CLTC: variants seen among roughly 807,000 people sequenced by gnomAD.
The protein encoded by CLTC is clathrin heavy chain 1.
A neutral mutation model predicts 195.8 loss-of-function variants in CLTC; 16 were observed. The ratio of observed to expected loss-of-function variants is 0.08; its 90% CI spans 0.06 to 0.12. The LOEUF (loss-of-function observed/expected upper bound fraction) is 0.12, where lower values mean the gene tolerates loss of function less well. Ranked by LOEUF, CLTC falls within the 10% of genes least tolerant of loss-of-function variation. The probability of loss-of-function intolerance (pLI) is 1.00; values close to 1 mark genes in which losing one functional copy is unlikely to be tolerated. For missense variants in CLTC, 796 were observed against 2,027.0 expected (o/e 0.39, Z 11.66); for synonymous variants, 667 against 689.4 (o/e 0.97, Z 0.51).
rs1454403746 is a variant in CLTC at position 59,685,515 on chromosome 17, A to C, written c.4606-72A>C. Reference sequence around the variant, plus strand: ...ACCAGATTTATATTGGAAAGTTTCCATTGTTTTTCTTGGTTTACTAGTTCA... The same window carrying C: ...ACCAGATTTATATTGGAAAGTTTCCCTTGTTTTTCTTGGTTTACTAGTTCA... On this transcript the variant is annotated intron_variant, in intron 29 of 31. Transcript: ENST00000269122. The surrounding 1 kb of genome is among the most constrained non-coding windows in gnomAD (Gnocchi z 5.0). The C allele has an allele frequency of 7.7e-7, 1 of 1,301,286 alleles. No homozygotes were observed. Among genetic ancestry groups the C allele is most frequent in the Non-Finnish European group, 1.1e-6 (1 of 929,012 alleles). The allele number at this position is 1,301,286 out of a possible 1,614,324, so 80.6% of individuals were successfully genotyped here. A position where few individuals can be genotyped will look rare whatever the true frequency, so the allele number is the denominator to read the frequency against.
chr17:59,623,466 G>A (rs998544935), intron 1 of CLTC, among the ~76,000 whole-genome samples: 2 of 152,122 alleles, frequency 1.3e-5, no homozygotes, highest in African/African-American at 4.8e-5. Context: ...CTTTCACTCT[G>A]ATTAGGAAAT....
At position 59,663,919 on chromosome 17, in the gene CLTC, T is replaced by A; in HGVS notation, c.1446T>A (p.Ala482=). ...TGGCACTTAGTGTGTACCTAAGGGCTAACGTCCCAAATAAAGTCATTCAGT... is the reference window on the plus strand; with the variant it reads ...TGGCACTTAGTGTGTACCTAAGGGCAAACGTCCCAAATAAAGTCATTCAGT... ...PTLALSVYLR[A]NVPNKVIQCF... The change falls in exon 9 of 32, where the codon GCT becomes GCA. Residue 482 remains alanine, a synonymous_variant. Coordinates refer to ENST00000269122, the MANE Select transcript of CLTC (RefSeq NM_004859.4). 1 of 1,613,892 alleles carries A rather than the reference T, an allele frequency of 6.2e-7. No individual in the cohort carries two copies. The highest frequency in any genetic ancestry group is 8.5e-7 in the Non-Finnish European group (1 of 1,179,792).
At position 59,681,341 on chromosome 17, in the gene CLTC, A is replaced by G; in HGVS notation, c.3112A>G (p.Thr1038Ala). 1.2e-6 allele frequency: 2 copies of G among 1,614,058 alleles called. No individual in the cohort carries two copies. Among genetic ancestry groups the G allele is most frequent in the South Asian group, 1.1e-5 (1 of 91,074 alleles). ...CCTCACTGCAATTAAGGCTGACCGT[A>G]CACGTGTTATGGAGTATATTAACCG... is the stretch of plus-strand genomic sequence containing the variant. The part of the protein sequence containing the change: ...LILTAIKADR[T>A]RVMEYINRLD... Residue 1038 changes from threonine (T) to alanine (A), a missense_variant, in exon 20 of 32, where the codon ACA becomes GCA. Around this residue, in one of 9 missense-constraint regions of CLTC, gnomAD observed 160 missense variants for 448.2 expected, o/e 0.36. Coordinates refer to ENST00000269122, the MANE Select transcript of CLTC (RefSeq NM_004859.4). The surrounding 1 kb of genome is among the most constrained non-coding windows in gnomAD (Gnocchi z 5.0).
chr17:59,637,554 T>TAAA (rs545077564), intron 1 of CLTC, among the ~76,000 whole-genome samples: 1 of 131,378 alleles, frequency 7.6e-6, no homozygotes, highest in African/African-American at 2.8e-5. Context: ...TGAAGTTTCT[T>TAAA]AAAAAAAAAA....
In CLTC at chr17:59,674,639, T is replaced by C. The variant is rs893660590; in HGVS notation, c.2419-62T>C. On this transcript the variant is annotated intron_variant, in intron 15 of 31. Transcript: ENST00000269122. ...TAAAAGCGATAGAGATAAATGCTTTTTTAAAATTCCTCTTTGCTTTTAATA... is the reference window on the plus strand; with the variant it reads ...TAAAAGCGATAGAGATAAATGCTTTCTTAAAATTCCTCTTTGCTTTTAATA... 2.1e-6 allele frequency: 3 copies of C among 1,454,276 alleles called. No individual in the cohort carries two copies. The African/African-American group carries it at 4.4e-5, about 21-fold the overall frequency. The allele number at this position is 1,454,276 out of a possible 1,614,324, so 90.1% of individuals were successfully genotyped here.
At chr17:59,621,553 C>T (rs921673838) in intron 1 of CLTC, among the ~76,000 whole-genome samples, 3 of 152,148 alleles carry the variant, frequency 2.0e-5, no homozygotes, top group Non-Finnish European at 4.4e-5. Context: ...GCAAGTATTA[C>T]CATGTTTGCA....
intron 18 of CLTC, 131 bp from the exon 19 acceptor site, chr17:59,680,779 CTA>C (rs1261207961): frequency 2.5e-5 from 15 of 611,006 alleles, no homozygotes; most frequent in African/African-American, 5.6e-5. Flanking sequence ...AAAGACCTCT[CTA>C]TGTAAATTTA....
chr17:59,632,447 T>C (rs976644860), intron 1 of CLTC, among the ~76,000 whole-genome samples: 1 of 151,466 alleles, frequency 6.6e-6, no homozygotes, highest in Non-Finnish European at 1.5e-5. Flanking sequence ...CTTTTGTAAT[T>C]TGAAAGAACC....
At chr17:59,660,240 C>T in intron 6 of CLTC, 151 bp from the exon 7 acceptor site, 28 of 675,622 alleles carry the variant, frequency 4.1e-5, no homozygotes, top group Middle Eastern at 4.3e-4. Flanking sequence ...CCTTGTCTTC[C>T]TTCCTTTCAT....
rs2136694 is a variant in CLTC, at chr17:59,648,120, G to A, written c.520-120G>A. 0.84 allele frequency: 810,603 copies of A among 969,500 alleles called. 341,162 individuals are homozygous for A. Among genetic ancestry groups the A allele is most frequent in the East Asian group, 0.95 (38,538 of 40,414 alleles). The allele number at this position is 969,500 out of a possible 1,614,324, so 60.1% of individuals were successfully genotyped here. A position where few individuals can be genotyped will look rare whatever the true frequency, so the allele number is the denominator to read the frequency against. ...TCAAATCTACAGTGAGAGATGAAGT[G>A]ACAAATAATTATAAATCCTGCTAAA... On this transcript the variant is annotated intron_variant, in intron 3 of 31. Transcript: ENST00000269122. This position sits in a 1 kb window ranked among gnomAD's most constrained non-coding sequence, Gnocchi z 4.5.
chr17:59,686,047 ATTTT>A (rs1333179400), intron 30 of CLTC, among the ~76,000 whole-genome samples: 1 of 152,000 alleles, frequency 6.6e-6, no homozygotes, highest in African/African-American at 2.4e-5. Context: ...TAATCTATGT[ATTTT>A]TTTATTTAAA....
chr17:59,624,675 G>T (rs1026642404), intron 1 of CLTC, among the ~76,000 whole-genome samples: 7 of 151,802 alleles, frequency 4.6e-5, no homozygotes, highest in African/African-American at 1.7e-4. Context: ...TACCATGTTG[G>T]CCAGGCTGGT....
chr17:59,652,216 C>T (rs927599984), intron 5 of CLTC, among the ~76,000 whole-genome samples: 1 of 152,198 alleles, frequency 6.6e-6, no homozygotes, highest in Non-Finnish European at 1.5e-5. Flanking sequence ...CTCAGTCATC[C>T]ATGAAGGTTG....
chr17:59,642,439 A>G (rs1374536214), intron 1 of CLTC, among the ~76,000 whole-genome samples: 1 of 152,184 alleles, frequency 6.6e-6, no homozygotes, highest in Non-Finnish European at 1.5e-5. Context: ...GGATTCTTAC[A>G]GCATAACTTA....
At chr17:59,630,172 T>C (rs1162622610) in intron 1 of CLTC, among the ~76,000 whole-genome samples, 1 of 152,150 alleles carries the variant, frequency 6.6e-6, no homozygotes, top group Admixed American at 6.5e-5. Flanking sequence ...AGCCAATTTT[T>C]GTATTTTTTT....
At chr17:59,641,487 G>A (rs2032031182) in intron 1 of CLTC, among the ~76,000 whole-genome samples, 1 of 150,418 alleles carries the variant, frequency 6.6e-6, no homozygotes, top group South Asian at 2.1e-4. Flanking sequence ...TGTAGTCCCA[G>A]CTACTCGGGA....
chr17:59,666,071 T>C lies in CLTC; in HGVS notation c.1645-32T>C, dbSNP rs575952104. On this transcript the variant is annotated intron_variant, in intron 10 of 31. Transcript: ENST00000269122. The surrounding 1 kb of genome is among the most constrained non-coding windows in gnomAD (Gnocchi z 4.9). ...TGTCTACATACTCTCCATAGTATCT[T>C]AAAACAATTTCTTTTAAATCTTTTT... The C allele has an allele frequency of 3.9e-6, 6 of 1,549,720 alleles. No individual in the cohort carries two copies. Among genetic ancestry groups the C allele is most frequent in the Non-Finnish European group, 5.3e-6 (6 of 1,125,976 alleles).
At chr17:59,657,877 T>A (rs562074720) in intron 6 of CLTC, among the ~76,000 whole-genome samples, 7 of 150,924 alleles carry the variant, frequency 4.6e-5, no homozygotes, top group Non-Finnish European at 7.4e-5. Context: ...CTTTTTTTTT[T>A]AAACTCTTAA....
rs775478641 is a variant in CLTC, at chr17:59,679,531, A to G, written c.2919+12A>G. 1.9e-6 allele frequency: 3 copies of G among 1,571,906 alleles called. No individual in the cohort carries two copies. In the African/African-American group the frequency reaches 4.1e-5, roughly 21 times the overall value. ...CCCTAATTGACCAGGTAACATTGGC[A>G]AATGTGTTTATGGCTGTCAGTAAAA... On this transcript the variant is annotated intron_variant, in intron 18 of 31. Transcript: ENST00000269122.
Sources: gnomAD v4.1 joint callset for allele counts (sites outside exome capture counted in the v4.1 genomes callset) on GRCh38, gnomAD v4.1.1 for gene constraint, gnomAD v4.1.1 regional missense constraint, Gnocchi (gnomAD v3.1) non-coding constraint, MANE v1.5 for transcripts, NCBI Gene and HGNC (gene_info 2026-07-23, HGNC 2026-07-21) for gene names.